PJA2: variants seen among roughly 807,000 people sequenced by gnomAD.
PJA2 encodes the protein praja ring finger ubiquitin ligase 2.
PJA2 carries 25 observed loss-of-function variants against 69.3 expected under a neutral mutation model. The observed-to-expected ratio is 0.36, with a 90% CI of 0.26 to 0.50. The LOEUF is 0.50. PJA2 is among the 20% of genes least tolerant of loss of function. PJA2 has a pLI of 0.96. For synonymous variants in PJA2, 308 were observed against 277.8 expected (o/e 1.11, Z -1.08); for missense variants, 809 against 830.2 (o/e 0.97, Z 0.31).
intron 9 of PJA2, among the ~76,000 whole-genome samples, chr5:109,338,763 T>G (rs1034458675): frequency 6.6e-6 from 1 of 151,750 alleles, no homozygotes; most frequent in Non-Finnish European, 1.5e-5. Context: ...ATGAACTACA[T>G]ACTAGCTATT....
rs1033908883 is a variant in PJA2, at chr5:109,383,421, T to G, written c.13A>C (p.Thr5Pro). MSQYTEKEPAAMDQE... is the reference protein window; with the variant it reads MSQYPEKEPAAMDQE... Reference sequence around the variant, plus strand: ...TCCTTACCTGCTGGCTCCTTTTCAGTGTACTGTGACATATATGGCAGCGTC... The same window carrying G: ...TCCTTACCTGCTGGCTCCTTTTCAGGGTACTGTGACATATATGGCAGCGTC... The change falls in exon 2 of 10, where the codon ACT becomes CCT. Residue 5 changes from threonine (T) to proline (P), a missense_variant. Around this residue, in one of 4 missense-constraint regions of PJA2, gnomAD observed 700 missense variants for 639.5 expected, o/e 1.09. Transcript: ENST00000361189. The G allele has an allele frequency of 6.2e-7, 1 of 1,613,122 alleles. No individual in the cohort carries two copies. Among genetic ancestry groups the G allele is most frequent in the Non-Finnish European group, 8.5e-7 (1 of 1,179,460 alleles).
At chr5:109,345,917 C>G (rs1341443179) in intron 7 of PJA2, among the ~76,000 whole-genome samples, 1 of 152,226 alleles carries the variant, frequency 6.6e-6, no homozygotes, top group Non-Finnish European at 1.5e-5. Flanking sequence ...CATCCTCATC[C>G]TTTCTGGCTC....
chr5:109,368,573 G>A lies in PJA2; in HGVS notation c.1457C>T (p.Ser486Phe). 1.2e-6 allele frequency: 2 copies of A among 1,613,416 alleles called. No homozygotes were observed. Among genetic ancestry groups the A allele is most frequent in the Non-Finnish European group, 1.7e-6 (2 of 1,179,660 alleles). ...SGPEEENQELSLQEGEQTSLE... is the reference protein window; with the variant it reads ...SGPEEENQELFLQEGEQTSLE... ...CTGTTGAACATACCCTTCCTGAAGA[G>A]ATAATTCTTGGTTTTCTTCTTCAGG... Residue 486 changes from serine to phenylalanine, a missense_variant, in exon 5 of 10, where the codon TCT becomes TTT. Ser to Phe is a radical substitution (Grantham distance 155). Coordinates refer to ENST00000361189, the MANE Select transcript of PJA2 (RefSeq NM_014819.5).
chr5:109,391,520 G>T (rs1747281889), intron 1 of PJA2, among the ~76,000 whole-genome samples: 1 of 151,136 alleles, frequency 6.6e-6, no homozygotes, highest in African/African-American at 2.4e-5. Context: ...CTATAAAGAT[G>T]TACCCCTATT....
intron 1 of PJA2, among the ~76,000 whole-genome samples, chr5:109,406,678 G>GA (rs1369925002): frequency 6.6e-6 from 1 of 151,244 alleles, no homozygotes; most frequent in African/African-American, 2.4e-5. Flanking sequence ...TATTTACCAA[G>GA]AAAAAAAAGA....
intron 7 of PJA2, among the ~76,000 whole-genome samples, chr5:109,345,532 A>AAC (rs1444707979): frequency 2.6e-5 from 4 of 151,720 alleles, no homozygotes; most frequent in Non-Finnish European, 4.4e-5. Flanking sequence ...AAAAAAAAAA[A>AAC]AACTACCTTG....
At chr5:109,353,344 TC>T (rs1397646970) in intron 7 of PJA2, among the ~76,000 whole-genome samples, 11 of 133,804 alleles carry the variant, frequency 8.2e-5, no homozygotes, top group Non-Finnish European at 1.5e-4. Flanking sequence ...ACCTATAATA[TC>T]ATAGACATCT....
chr5:109,376,270 A>C (rs1238871536), intron 4 of PJA2, among the ~76,000 whole-genome samples: 3 of 151,728 alleles, frequency 2.0e-5, no homozygotes, highest in East Asian at 3.9e-4. Context: ...AAAAAAAAAA[A>C]AAAACTATCA....
At chr5:109,406,040 ATTTTT>A (rs35924063) in intron 1 of PJA2, among the ~76,000 whole-genome samples, 1 of 103,432 alleles carries the variant, frequency 9.7e-6, no homozygotes. Flanking sequence ...AGACAAACCC[ATTTTT>A]TTTTTTTTTT....
intron 4 of PJA2, among the ~76,000 whole-genome samples, chr5:109,373,962 G>A (rs571471485): frequency 6.6e-6 from 1 of 152,158 alleles, no homozygotes; most frequent in South Asian, 2.1e-4. Context: ...TGTTCTTCCT[G>A]GCATTTATCA....
intron 7 of PJA2, among the ~76,000 whole-genome samples, chr5:109,347,750 G>A (rs1326184236): frequency 1.3e-5 from 2 of 152,218 alleles, no homozygotes; most frequent in African/African-American, 4.8e-5. Context: ...GAAGTAGAGT[G>A]CTCCATCTCA....
intron 9 of PJA2, among the ~76,000 whole-genome samples, chr5:109,339,116 T>C (rs1343943984): frequency 1.0e-5 from 1 of 95,888 alleles, no homozygotes; most frequent in African/African-American, 9.2e-5. Context: ...AAGAAACAAG[T>C]TGGGGGTCTA....
At chr5:109,394,852 A>T (rs535185897) in intron 1 of PJA2, among the ~76,000 whole-genome samples, 1 of 152,348 alleles carries the variant, frequency 6.6e-6, no homozygotes, top group African/African-American at 2.4e-5. Context: ...TATGGCAGAT[A>T]AAAATTTTTT....
At chr5:109,369,640 T>C (rs1762642155) in intron 4 of PJA2, among the ~76,000 whole-genome samples, 1 of 152,200 alleles carries the variant, frequency 6.6e-6, no homozygotes, top group Non-Finnish European at 1.5e-5. Context: ...TTTCCTTCCT[T>C]TTTCCCAAAG....
chr5:109,353,582 A>AT (rs1313498179), intron 7 of PJA2, among the ~76,000 whole-genome samples: 1 of 144,824 alleles, frequency 6.9e-6, no homozygotes, highest in Non-Finnish European at 1.5e-5. Flanking sequence ...ATAGACATCT[A>AT]TATATTAGAT....
chr5:109,354,079 A>AGATATCGATATCTAGAGATATCTATAGG (rs1561345704), intron 7 of PJA2, among the ~76,000 whole-genome samples: 1 of 106,826 alleles, frequency 9.4e-6, no homozygotes, highest in African/African-American at 4.5e-5. Flanking sequence ...ATATCTATAG[A>AGATATCGATATCTAGAGATATCTATAGG]TTAGATATCT....
chr5:109,383,357 G>A, intron 2 of PJA2, 46 bp downstream of exon 2: 1 of 1,587,540 alleles, frequency 6.3e-7, no homozygotes, highest in Non-Finnish European at 8.6e-7. Context: ...GGTACCCAGA[G>A]GAAAAAACAA....
chr5:109,392,162 G>A (rs1186188765), intron 1 of PJA2, among the ~76,000 whole-genome samples: 1 of 152,046 alleles, frequency 6.6e-6, no homozygotes, highest in Admixed American at 6.6e-5. Context: ...AAAGAACAAG[G>A]TACAAAGAGG....
intron 6 of PJA2, among the ~76,000 whole-genome samples, chr5:109,362,188 A>G (rs1326343370): frequency 1.3e-5 from 2 of 152,222 alleles, no homozygotes; most frequent in African/African-American, 4.8e-5. Flanking sequence ...CATCCTTTCT[A>G]TATCTCAATA....
Sources: allele counts gnomAD v4.1 joint callset (sites outside exome capture counted in the v4.1 genomes callset), GRCh38; gene constraint gnomAD v4.1.1; regional missense constraint gnomAD v4.1.1; transcripts MANE v1.5; gene names NCBI Gene and HGNC (gene_info 2026-07-23, HGNC 2026-07-21).